The following LRP1B variants were observed in gnomAD, a reference collection of about 807,000 sequenced individuals.
LRP1B encodes low-density lipoprotein receptor-related protein 1B.
Under a neutral mutation model 556.6 loss-of-function variants are expected in LRP1B, and 217 were observed. The observed-to-expected ratio is 0.39, with a 90% CI of 0.35 to 0.44. The LOEUF (loss-of-function observed/expected upper bound fraction) is 0.44, where lower values mean the gene tolerates loss of function less well. Among genes scored for constraint, LRP1B ranks in the 20% least tolerant of loss-of-function variants. The pLI is 1.00. For synonymous variants in LRP1B, 2,047 were observed against 1,865.8 expected, an observed-to-expected ratio of 1.10 and a Z score of -2.50; for missense variants, 5,053 against 5,620.8, an observed-to-expected ratio of 0.90 and a Z score of 3.23.
intron 2 of LRP1B, among the ~76,000 whole-genome samples, chr2:141,606,584 G>A (rs1207042677): frequency 6.6e-6 from 1 of 152,180 alleles, no homozygotes; most frequent in Non-Finnish European, 1.5e-5. Context: ...GTCTAAATGA[G>A]GCCTTTAGCA....
chr2:141,949,131 A>T (rs976110308), intron 1 of LRP1B, among the ~76,000 whole-genome samples: 11 of 152,160 alleles, frequency 7.2e-5, no homozygotes, highest in Non-Finnish European at 1.0e-4. Flanking sequence ...CAATATTATT[A>T]AAAAACTTTC....
At chr2:140,592,901 C>A (rs920230170) in intron 43 of LRP1B, among the ~76,000 whole-genome samples, 2 of 151,336 alleles carry the variant, frequency 1.3e-5, no homozygotes. Context: ...GATCACAACA[C>A]TGAACTCCAG....
chr2:141,476,668 A>G (rs1399761171), intron 3 of LRP1B, among the ~76,000 whole-genome samples: 1 of 152,206 alleles, frequency 6.6e-6, no homozygotes, highest in African/African-American at 2.4e-5. Flanking sequence ...TATCTTTACT[A>G]GAAAGATATT....
At chr2:141,708,395 T>C (rs952337192) in intron 2 of LRP1B, among the ~76,000 whole-genome samples, 1 of 151,874 alleles carries the variant, frequency 6.6e-6, no homozygotes, top group Admixed American at 6.6e-5. Context: ...GCAGACAGAG[T>C]TGGTTTTTCC....
chr2:140,254,031 TTA>T (rs1681567493), intron 86 of LRP1B, among the ~76,000 whole-genome samples: 1 of 152,150 alleles, frequency 6.6e-6, no homozygotes, highest in African/African-American at 2.4e-5. Flanking sequence ...CCTAAATATC[TTA>T]TGTTTTAGCT....
intron 11 of LRP1B, among the ~76,000 whole-genome samples, chr2:141,029,636 T>C (rs1461097969): frequency 6.6e-6 from 1 of 152,092 alleles, no homozygotes; most frequent in Non-Finnish European, 1.5e-5. Flanking sequence ...CCCTGCTTGC[T>C]CAGCATTCAT....
chr2:141,282,299 T>A (rs909243238), intron 3 of LRP1B, among the ~76,000 whole-genome samples: 4 of 152,028 alleles, frequency 2.6e-5, no homozygotes, highest in African/African-American at 9.7e-5. Flanking sequence ...TAAATGAGCT[T>A]TATATTTTGT....
intron 1 of LRP1B, among the ~76,000 whole-genome samples, chr2:142,018,798 T>A (rs1044373809): frequency 6.6e-6 from 1 of 151,974 alleles, no homozygotes; most frequent in Non-Finnish European, 1.5e-5. Flanking sequence ...TTTTTTTTTT[T>A]CCCCAGAAGC....
At chr2:141,125,042 T>C (rs1281503662) in intron 7 of LRP1B, among the ~76,000 whole-genome samples, 3 of 151,958 alleles carry the variant, frequency 2.0e-5, no homozygotes, top group Non-Finnish European at 2.9e-5. Context: ...ACAAAAGATA[T>C]GGAAATGAAA....
chr2:141,069,069 T>A (rs1699562260), intron 7 of LRP1B, among the ~76,000 whole-genome samples: 1 of 152,056 alleles, frequency 6.6e-6, no homozygotes, highest in African/African-American at 2.4e-5. Context: ...TTTATCTCTT[T>A]TAAATTCAAT....
chr2:140,928,936 G>A (rs1006744988), intron 20 of LRP1B, among the ~76,000 whole-genome samples: 2 of 152,050 alleles, frequency 1.3e-5, no homozygotes, highest in African/African-American at 4.8e-5. Context: ...GACCTGAGAG[G>A]TAGGTAGGGG....
At chr2:141,743,965 C>A (rs868238658) in intron 2 of LRP1B, among the ~76,000 whole-genome samples, 1 of 101,102 alleles carries the variant, frequency 9.9e-6, no homozygotes, top group Non-Finnish European at 2.2e-5. Context: ...TTGTTTGATT[C>A]TTTATATTGT....
At chr2:141,058,737 T>C (rs899890317) in intron 9 of LRP1B, 146 bp downstream of exon 9, 3 of 504,184 alleles carry the variant, frequency 6.0e-6, no homozygotes, top group Non-Finnish European at 9.8e-6. Context: ...GGGAGCTCTA[T>C]TCCATTTAAC....
At chr2:140,663,923 T>A (rs1403659382) in intron 41 of LRP1B, among the ~76,000 whole-genome samples, 1 of 152,166 alleles carries the variant, frequency 6.6e-6, no homozygotes, top group Non-Finnish European at 1.5e-5. Context: ...CACTTGAGAC[T>A]GCTGTAGGTT....
chr2:140,826,991 G>A lies in LRP1B; in HGVS notation c.5209+13000C>T, dbSNP rs146020876. ...TCTCCTACAGAGCCAAGGTATCCTCGTTAGGAACCCCACTCCAATTCAGGA... is the reference window on the plus strand; with the variant it reads ...TCTCCTACAGAGCCAAGGTATCCTCATTAGGAACCCCACTCCAATTCAGGA... On this transcript the variant is annotated intron_variant, in intron 31 of 90. Transcript: ENST00000389484. 1.4e-3 allele frequency among the ~76,000 whole-genome samples: 206 copies of A among 152,234 alleles called. 1 individual carries two copies. Among genetic ancestry groups the A allele is most frequent in the Non-Finnish European group, 2.3e-3 (157 of 68,000 alleles).
chr2:140,417,490 A>C (rs1483094115), intron 66 of LRP1B, among the ~76,000 whole-genome samples: 1 of 152,238 alleles, frequency 6.6e-6, no homozygotes, highest in African/African-American at 2.4e-5. Flanking sequence ...GTTAATAACA[A>C]GGCAACAAGG....
At chr2:141,188,931 C>T (rs910727995) in intron 6 of LRP1B, among the ~76,000 whole-genome samples, 1 of 151,894 alleles carries the variant, frequency 6.6e-6, no homozygotes, top group Non-Finnish European at 1.5e-5. Flanking sequence ...GATTCAATAG[C>T]ACAGCTAAAC....
intron 7 of LRP1B, among the ~76,000 whole-genome samples, chr2:141,130,010 A>C (rs1380922950): frequency 6.6e-6 from 1 of 152,080 alleles, no homozygotes; most frequent in African/African-American, 2.4e-5. Flanking sequence ...AAGCAAATGG[A>C]TACAGAATTT....
At chr2:140,955,278 A>T (rs1328969215) in intron 18 of LRP1B, among the ~76,000 whole-genome samples, 2 of 151,888 alleles carry the variant, frequency 1.3e-5, no homozygotes. Context: ...CTTTCATATT[A>T]GTGTTAATTT....
Sources: allele counts gnomAD v4.1 joint callset (sites outside exome capture counted in the v4.1 genomes callset), GRCh38; gene constraint gnomAD v4.1.1; transcripts MANE v1.5; gene names NCBI Gene and HGNC (gene_info 2026-07-23, HGNC 2026-07-21).